The following ATP6V1H variants were observed in gnomAD, a reference collection of about 807,000 sequenced individuals.
ATP6V1H encodes ATPase H+ transporting V1 subunit H, also known as V-type proton ATPase subunit H.
Under a neutral mutation model 71.7 loss-of-function variants are expected in ATP6V1H, and 39 were observed. That is an observed-to-expected ratio of 0.54 (90% CI 0.42 to 0.71). The LOEUF (loss-of-function observed/expected upper bound fraction) is 0.71, where lower values mean the gene tolerates loss of function less well. ATP6V1H is among the 30% of genes least tolerant of loss of function. The probability of loss-of-function intolerance (pLI) is 0.00; values close to 1 mark genes in which losing one functional copy is unlikely to be tolerated. For synonymous variants in ATP6V1H, 192 were observed against 199.3 expected (o/e 0.96, Z 0.31); for missense variants, 509 against 594.9 (o/e 0.86, Z 1.50).
intron 13 of ATP6V1H, among the ~76,000 whole-genome samples, chr8:53,719,951 C>T (rs1038537060): frequency 6.6e-6 from 1 of 152,144 alleles, no homozygotes; most frequent in African/African-American, 2.4e-5. Flanking sequence ...GTTAAAATTA[C>T]ACTACTGTCA....
At chr8:53,719,449 C>A (rs575992644) in intron 13 of ATP6V1H, among the ~76,000 whole-genome samples, 1 of 152,270 alleles carries the variant, frequency 6.6e-6, no homozygotes, top group African/African-American at 2.4e-5. Flanking sequence ...GATCACTGCA[C>A]CTGGCCAGCT....
chr8:53,756,565 G>T lies in ATP6V1H; in HGVS notation c.1267C>A (p.Arg423=), dbSNP rs1015333072. The change falls in exon 12 of 14, where the codon CGA becomes AGA. Residue 423 remains arginine, a synonymous_variant. Coordinates refer to ENST00000359530, the MANE Select transcript of ATP6V1H (RefSeq NM_015941.4). The stretch of plus-strand genomic sequence containing the variant: ...ATGGCTTTCTCTTACCGTTTGCCTC[G>T]TGGATAATGCCGCACATATTCTCCA... ...DVGEYVRHYP[R]GKRVIEQLGG... The T allele has an allele frequency of 6.2e-7, 1 of 1,612,878 alleles. No homozygotes were observed. Among genetic ancestry groups the T allele is most frequent in the East Asian group, 2.2e-5 (1 of 44,872 alleles).
chr8:53,823,193 C>A (rs970281448), intron 4 of ATP6V1H, among the ~76,000 whole-genome samples: 4 of 152,024 alleles, frequency 2.6e-5, no homozygotes, highest in African/African-American at 9.7e-5. Context: ...AGAAAGAATA[C>A]ATCTTCTCAA....
At chr8:53,841,856 A>G (rs1319127224) in intron 1 of ATP6V1H, 131 bp from the exon 2 acceptor site, 2 of 778,966 alleles carry the variant, frequency 2.6e-6, no homozygotes, top group Non-Finnish European at 3.8e-6. Context: ...TAAATGTCCT[A>G]AGTCTGAAAG....
At chr8:53,761,146 C>T (rs974896397) in intron 11 of ATP6V1H, among the ~76,000 whole-genome samples, 1 of 152,020 alleles carries the variant, frequency 6.6e-6, no homozygotes, top group Non-Finnish European at 1.5e-5. Context: ...ACCATCCTGG[C>T]TAACACGGTG....
chr8:53,776,169 G>C (rs903218478), intron 9 of ATP6V1H, among the ~76,000 whole-genome samples: 5 of 152,232 alleles, frequency 3.3e-5, no homozygotes, highest in Admixed American at 2.6e-4. Context: ...CCCAGGGCCA[G>C]CAGGGCCGGC....
At chr8:53,762,262 T>TAAA (rs4013980) in intron 11 of ATP6V1H, among the ~76,000 whole-genome samples, 13,236 of 142,828 alleles carry the variant, frequency 0.093, 907 homozygotes, top group East Asian at 0.37. Context: ...ATAGGAACAC[T>TAAA]AAAAAAAAAA....
chr8:53,765,619 G>T (rs903935675), intron 11 of ATP6V1H, among the ~76,000 whole-genome samples: 5 of 151,924 alleles, frequency 3.3e-5, no homozygotes, highest in African/African-American at 1.2e-4. Flanking sequence ...CCAAATGAAA[G>T]AAATCAAAGA....
intron 2 of ATP6V1H, among the ~76,000 whole-genome samples, chr8:53,834,242 C>T (rs1811090812): frequency 6.6e-6 from 1 of 152,172 alleles, no homozygotes; most frequent in Non-Finnish European, 1.5e-5. Context: ...CCACTATTCA[C>T]ACCAGTAAAA....
At chr8:53,841,543 T>C in intron 2 of ATP6V1H, 35 bp downstream of exon 2, 1 of 1,608,246 alleles carries the variant, frequency 6.2e-7, no homozygotes, top group Non-Finnish European at 8.5e-7. Flanking sequence ...CAAAAGCATA[T>C]GACTGTCCAT....
intron 12 of ATP6V1H, among the ~76,000 whole-genome samples, chr8:53,746,764 G>A (rs1457302002): frequency 6.6e-6 from 1 of 151,196 alleles, no homozygotes; most frequent in Non-Finnish European, 1.5e-5. Context: ...CCAATATCAT[G>A]AATGCTTGAA....
chr8:53,719,933 T>G (rs1048110550), intron 13 of ATP6V1H, among the ~76,000 whole-genome samples: 36 of 152,114 alleles, frequency 2.4e-4, no homozygotes, highest in African/African-American at 8.5e-4. Context: ...TGTGAAAAAT[T>G]TCTTCAGGTT....
intron 7 of ATP6V1H, among the ~76,000 whole-genome samples, chr8:53,808,854 G>A (rs1810181496): frequency 6.6e-6 from 1 of 151,632 alleles, no homozygotes; most frequent in Admixed American, 6.6e-5. Context: ...TTAAAATGAT[G>A]CTTCTGAGGC....
At chr8:53,726,172 T>C (rs991099973) in intron 13 of ATP6V1H, among the ~76,000 whole-genome samples, 19 of 152,206 alleles carry the variant, frequency 1.2e-4, no homozygotes, top group Admixed American at 1.0e-3. Flanking sequence ...AGTAAACTGC[T>C]GTATAGACAT....
At chr8:53,731,413 A>G (rs1807018683) in intron 13 of ATP6V1H, among the ~76,000 whole-genome samples, 1 of 152,242 alleles carries the variant, frequency 6.6e-6, no homozygotes, top group South Asian at 2.1e-4. Context: ...CTGGTCTGGT[A>G]GTTAAAAATC....
intron 7 of ATP6V1H, among the ~76,000 whole-genome samples, chr8:53,808,593 C>T (rs1810168448): frequency 1.3e-5 from 2 of 152,074 alleles, no homozygotes; most frequent in Non-Finnish European, 2.9e-5. Flanking sequence ...CATAGCGAGA[C>T]CTTGTCTCCA....
At chr8:53,761,102 C>T (rs1472402153) in intron 11 of ATP6V1H, among the ~76,000 whole-genome samples, 1 of 151,966 alleles carries the variant, frequency 6.6e-6, no homozygotes, top group Non-Finnish European at 1.5e-5. Context: ...TTTGGGAGGC[C>T]GAGGTGGGCA....
intron 8 of ATP6V1H, among the ~76,000 whole-genome samples, chr8:53,801,069 T>C (rs16919566): frequency 0.049 from 7,492 of 152,260 alleles, 547 homozygotes; most frequent in African/African-American, 0.16. Context: ...TTCTAAGAAA[T>C]TGCATACAAA....
At chr8:53,824,200 A>T (rs1046712452) in intron 4 of ATP6V1H, among the ~76,000 whole-genome samples, 4 of 152,168 alleles carry the variant, frequency 2.6e-5, no homozygotes, top group African/African-American at 9.6e-5. Context: ...CTTCAAATGA[A>T]CAATTTCTGT....
Sources: allele counts gnomAD v4.1 joint callset (sites outside exome capture counted in the v4.1 genomes callset), GRCh38; gene constraint gnomAD v4.1.1; transcripts MANE v1.5; gene names NCBI Gene and HGNC (gene_info 2026-07-23, HGNC 2026-07-21).